Variants in IRAG1 observed in about 807,000 individuals in gnomAD.
IRAG1 encodes the protein IP3R-associated cGMP kinase substrate.
In IRAG1, 62 loss-of-function variants were observed where a neutral mutation model predicts 106.2. The observed-to-expected ratio is 0.58, with a 90% CI of 0.48 to 0.72. The LOEUF (loss-of-function observed/expected upper bound fraction) is 0.72. IRAG1 is among the 30% of genes least tolerant of loss of function. The pLI, the probability that IRAG1 is intolerant of heterozygous loss-of-function variation, is 0.00. For missense variants in IRAG1, 1,064 were observed against 1,140.7 expected (o/e 0.93, Z 0.97); for synonymous variants, 462 against 443.9 (o/e 1.04, Z -0.51).
chr11:10,606,670 G>C, intron 12 of IRAG1, 72 bp downstream of exon 12: 1 of 1,457,016 alleles, frequency 6.9e-7, no homozygotes, highest in Non-Finnish European at 9.3e-7. Flanking sequence ...CTAGAGTCTG[G>C]AGGAAGAAAT....
At position 10,693,753 on chromosome 11, in the gene IRAG1, G is replaced by T; in HGVS notation, c.-151C>A. On this transcript the variant is annotated 5_prime_UTR_variant, in exon 1 of 21. Transcript: ENST00000423302. ...ACTCCGGCCTGGCTCGGGGGATAAT[G>T]GCAGGGAAAGCCGACCAGCTGGCCT... 1.1e-6 allele frequency: 1 copy of T among 908,066 alleles called. No individual in the cohort carries two copies. The highest frequency in any genetic ancestry group is 1.6e-6 in the Non-Finnish European group (1 of 611,292). The allele number at this position is 908,066 out of a possible 1,614,324, so 56.3% of individuals were successfully genotyped here.
chr11:10,683,108 A>G (rs1005134684), intron 1 of IRAG1, among the ~76,000 whole-genome samples: 2 of 152,196 alleles, frequency 1.3e-5, no homozygotes, highest in African/African-American at 4.8e-5. Context: ...CACTTCCTTA[A>G]TATTTAATAA....
chr11:10,690,839 C>G (rs556243450), intron 1 of IRAG1, among the ~76,000 whole-genome samples: 4 of 152,140 alleles, frequency 2.6e-5, no homozygotes, highest in Non-Finnish European at 4.4e-5. Context: ...CAATTAATAC[C>G]AATTTTCTCC....
Position 10,593,534 on chromosome 11 carries a change from G to A in IRAG1, c.2133C>T (p.Gly711=). ...GAATGGATGATGAGCTGGGAGTTTG[G>A]CCAGGCAGATTCAGGGCATTAAACT... is the stretch of plus-strand genomic sequence containing the variant. The part of the protein sequence containing the change: ...VPKFNALNLP[G]QTPSSSSIPS... Residue 711 remains glycine, a synonymous_variant, in exon 17 of 21, where the codon GGC becomes GGT. Coordinates refer to ENST00000423302, the MANE Select transcript of IRAG1 (RefSeq NM_130385.4). 1 of 1,613,818 alleles carries A rather than the reference G, an allele frequency of 6.2e-7. No individual in the cohort carries two copies. The highest frequency in any genetic ancestry group is 8.5e-7 in the Non-Finnish European group (1 of 1,179,772).
intron 3 of IRAG1, 93 bp from the exon 4 acceptor site, chr11:10,632,154 C>A: frequency 3.7e-6 from 3 of 806,880 alleles, no homozygotes; most frequent in South Asian, 1.7e-5. Flanking sequence ...CTTTTTCTTT[C>A]TTTCTTTCTT....
At chr11:10,681,566 G>A (rs1861262729) in intron 1 of IRAG1, among the ~76,000 whole-genome samples, 1 of 152,164 alleles carries the variant, frequency 6.6e-6, no homozygotes, top group Non-Finnish European at 1.5e-5. Context: ...GCTCTATCAT[G>A]CAACTATTGG....
intron 17 of IRAG1, among the ~76,000 whole-genome samples, chr11:10,592,752 A>C (rs908069726): frequency 6.6e-6 from 1 of 152,252 alleles, no homozygotes; most frequent in Non-Finnish European, 1.5e-5. Flanking sequence ...AGAAATATAA[A>C]AAGGCATCAG....
intron 2 of IRAG1, among the ~76,000 whole-genome samples, chr11:10,637,500 G>A (rs937126286): frequency 2.6e-5 from 4 of 152,210 alleles, no homozygotes; most frequent in Admixed American, 1.3e-4. Flanking sequence ...TTATCCCTCC[G>A]TTCCTATAAT....
At chr11:10,662,933 C>T (rs1564933940) in intron 1 of IRAG1, among the ~76,000 whole-genome samples, 4 of 152,244 alleles carry the variant, frequency 2.6e-5, no homozygotes. Context: ...TGGGATCGCA[C>T]TAGGCCTTGA....
chr11:10,656,843 T>C (rs549122303), intron 1 of IRAG1, among the ~76,000 whole-genome samples: 3 of 152,122 alleles, frequency 2.0e-5, no homozygotes, highest in Admixed American at 6.5e-5. Flanking sequence ...GGAGTTCTGC[T>C]TGAGTGTGGC....
At chr11:10,669,518 T>G (rs1860049949) in intron 1 of IRAG1, among the ~76,000 whole-genome samples, 1 of 152,240 alleles carries the variant, frequency 6.6e-6, no homozygotes, top group African/African-American at 2.4e-5. Context: ...TCTACTGCCT[T>G]TTCTTGAGGC....
chr11:10,642,414 T>A (rs1046521693), intron 2 of IRAG1, among the ~76,000 whole-genome samples: 1 of 152,204 alleles, frequency 6.6e-6, no homozygotes, highest in Admixed American at 6.5e-5. Flanking sequence ...GTCACATGGC[T>A]AGGCCCAGGC....
intron 9 of IRAG1, among the ~76,000 whole-genome samples, chr11:10,625,162 C>T (rs1053033002): frequency 6.6e-6 from 1 of 152,214 alleles, no homozygotes; most frequent in Non-Finnish European, 1.5e-5. Flanking sequence ...TGAGTGCTAT[C>T]GGGCACCTTC....
At chr11:10,601,652 G>A (rs569255594) in intron 14 of IRAG1, among the ~76,000 whole-genome samples, 163 of 152,324 alleles carry the variant, frequency 1.1e-3, no homozygotes, top group Non-Finnish European at 1.9e-3. Flanking sequence ...GGTTGTGAAG[G>A]ACCTCGAATG....
chr11:10,626,266 A>G lies in IRAG1; in HGVS notation c.1068T>C (p.Gly356=), dbSNP rs1374727216. Residue 356 remains glycine (G), a synonymous_variant, in exon 9 of 21, where the codon GGT becomes GGC. Transcript: ENST00000423302. ...GGCCTCTCCCCTGGGAGGCTGGGGGACCCACTCCTGCCGCATCCTGGGTTG... is the reference window on the plus strand; with the variant it reads ...GGCCTCTCCCCTGGGAGGCTGGGGGGCCCACTCCTGCCGCATCCTGGGTTG... ...RSPTQDAAGV[G]PPASQGRGPA... is the part of the protein sequence containing the mutation. 2 of 1,609,320 alleles carry G rather than the reference A, an allele frequency of 1.2e-6. No homozygotes were observed. The highest frequency in any genetic ancestry group is 3.4e-5 in the Admixed American group (2 of 59,598).
intron 1 of IRAG1, among the ~76,000 whole-genome samples, chr11:10,673,675 T>C (rs934205775): frequency 3.9e-5 from 6 of 152,100 alleles, no homozygotes; most frequent in African/African-American, 1.2e-4. Context: ...AACAAAGCTG[T>C]TTAAAATTTT....
At chr11:10,651,023 C>T (rs1464043673) in intron 2 of IRAG1, among the ~76,000 whole-genome samples, 1 of 152,210 alleles carries the variant, frequency 6.6e-6, no homozygotes, top group African/African-American at 2.4e-5. Flanking sequence ...ATAGATTCTT[C>T]CCTCACTTAA....
chr11:10,687,424 T>C lies in IRAG1; in HGVS notation c.67+6112A>G, dbSNP rs530657130. ...TGCTCTGTTTCTCCAAGCTTTAATATTTAAAGAGCCCTACTTTCCCCAGTG... is the reference window on the plus strand; with the variant it reads ...TGCTCTGTTTCTCCAAGCTTTAATACTTAAAGAGCCCTACTTTCCCCAGTG... On this transcript the variant is annotated intron_variant, in intron 1 of 20. Transcript: ENST00000423302. 42 of 180,250 alleles carry C rather than the reference T, an allele frequency of 2.3e-4. 2 individuals are homozygous for C. The South Asian group carries it at 4.6e-3, about 20-fold the overall frequency. The allele number at this position is 180,250 out of a possible 1,614,324, so 11.2% of individuals were successfully genotyped here.
chr11:10,593,274 A>C, intron 17 of IRAG1: 1 of 411,600 alleles, frequency 2.4e-6, no homozygotes. Context: ...CTGAGCTGCC[A>C]ACACCATGCT....
Sources: allele counts gnomAD v4.1 joint callset (sites outside exome capture counted in the v4.1 genomes callset), GRCh38; gene constraint gnomAD v4.1.1; transcripts MANE v1.5; gene names NCBI Gene and HGNC (gene_info 2026-07-23, HGNC 2026-07-21).